The following GKAP1 variants were observed in gnomAD, a reference collection of about 807,000 sequenced individuals.
GKAP1 encodes G kinase anchoring protein 1.
In GKAP1, 31 loss-of-function variants were observed where a neutral mutation model predicts 56.7. That is an observed-to-expected ratio of 0.55 (90% CI 0.41 to 0.74). GKAP1 has a LOEUF of 0.74. GKAP1 is among the 30% of genes least tolerant of loss of function. The probability of loss-of-function intolerance (pLI) is 0.00; values close to 1 mark genes in which losing one functional copy is unlikely to be tolerated. For synonymous variants in GKAP1, 151 were observed against 138.6 expected, an observed-to-expected ratio of 1.09 and a Z score of -0.63; for missense variants, 364 against 402.3, an observed-to-expected ratio of 0.90 and a Z score of 0.82.
chr9:83,771,884 T>A (rs1558922), intron 7 of GKAP1, among the ~76,000 whole-genome samples: 81,855 of 151,854 alleles, frequency 0.54, 22,957 homozygotes, highest in Admixed American at 0.69. Flanking sequence ...ATAATTATAA[T>A]TCTAGCCAAT....
At chr9:83,809,341 G>T (rs1279319531) in intron 2 of GKAP1, among the ~76,000 whole-genome samples, 2 of 152,220 alleles carry the variant, frequency 1.3e-5, no homozygotes, top group Non-Finnish European at 2.9e-5. Flanking sequence ...GTCACTTCCA[G>T]ATACAAGAAA....
intron 8 of GKAP1, among the ~76,000 whole-genome samples, chr9:83,759,195 C>G (rs752349649): frequency 3.9e-5 from 6 of 152,068 alleles, no homozygotes; most frequent in Non-Finnish European, 7.4e-5. Flanking sequence ...TCGTTCTTTT[C>G]CTTTGTTAAA....
chr9:83,783,201 A>G lies in GKAP1; in HGVS notation c.562+1514T>C, dbSNP rs531883992. On this transcript the variant is annotated intron_variant, in intron 6 of 12. Coordinates refer to ENST00000376371, the MANE Select transcript of GKAP1 (RefSeq NM_025211.4). ...ATTTATCCTCACAGAACAATGCCCAATGTACTAAGGCTGAATTCATATGAG... is the reference window on the plus strand; with the variant it reads ...ATTTATCCTCACAGAACAATGCCCAGTGTACTAAGGCTGAATTCATATGAG... 3.3e-5 allele frequency among the ~76,000 whole-genome samples: 5 copies of G among 152,328 alleles called. No individual in the cohort carries two copies. The South Asian group carries it at 1.0e-3, about 32-fold the overall frequency.
chr9:83,757,002 G>T (rs1393571394), intron 8 of GKAP1, among the ~76,000 whole-genome samples: 1 of 152,126 alleles, frequency 6.6e-6, no homozygotes, highest in Non-Finnish European at 1.5e-5. Flanking sequence ...AGGATGAAAA[G>T]ATGTACAAGA....
At chr9:83,779,968 T>C (rs370959173) in intron 7 of GKAP1, among the ~76,000 whole-genome samples, 1 of 151,982 alleles carries the variant, frequency 6.6e-6, no homozygotes, top group East Asian at 1.9e-4. Flanking sequence ...CATGAGTATA[T>C]CTAAAGAATC....
chr9:83,814,382 C>T (rs1461744545), intron 2 of GKAP1, among the ~76,000 whole-genome samples: 1 of 152,210 alleles, frequency 6.6e-6, no homozygotes, highest in Non-Finnish European at 1.5e-5. Context: ...CTGAAAACTT[C>T]CATTTATTCC....
rs1943949732 is a variant in GKAP1 at position 83,780,391 on chromosome 9, T to C, written c.576A>G (p.Lys192=). Residue 192 remains lysine (K), a synonymous_variant, in exon 7 of 13, where the codon AAA becomes AAG. Transcript: ENST00000376371. Reference sequence around the variant, plus strand: ...CTACAATAAGACTTACCTCAGTCTTTTTACTAATGTGATCTGTAAATGAAA... The same window carrying C: ...CTACAATAAGACTTACCTCAGTCTTCTTACTAATGTGATCTGTAAATGAAA... ...KDFHSEDHIS[K]KTEELSSSQT... is the part of the protein sequence containing the mutation. The C allele has an allele frequency of 7.1e-7, 1 of 1,400,906 alleles. No individual in the cohort carries two copies. Among genetic ancestry groups the C allele is most frequent in the South Asian group, 1.4e-5 (1 of 74,046 alleles). 86.8% of individuals were successfully genotyped at this position (1,400,906 alleles called of 1,614,324 possible). A position where few individuals can be genotyped will look rare whatever the true frequency, so the allele number is the denominator to read the frequency against.
chr9:83,817,151 G>C (rs1411166206), intron 1 of GKAP1, 24 bp from the exon 2 acceptor site: 2 of 152,142 alleles, frequency 1.3e-5, no homozygotes, highest in African/African-American at 4.8e-5. Context: ...AACGAGTCAG[G>C]TCGTTGCTCC....
intron 10 of GKAP1, among the ~76,000 whole-genome samples, chr9:83,746,871 T>C (rs957125739): frequency 4.6e-5 from 7 of 152,202 alleles, no homozygotes; most frequent in African/African-American, 1.2e-4. Context: ...TGATCCACAA[T>C]TGATTGATCC....
At chr9:83,816,335 C>T (rs778816076) in intron 2 of GKAP1, among the ~76,000 whole-genome samples, 9 of 152,190 alleles carry the variant, frequency 5.9e-5, no homozygotes, top group Non-Finnish European at 8.8e-5. Flanking sequence ...ACTGAGATCC[C>T]TCTCCAATCT....
chr9:83,779,255 T>C (rs939374137), intron 7 of GKAP1, among the ~76,000 whole-genome samples: 32 of 151,826 alleles, frequency 2.1e-4, no homozygotes, highest in Admixed American at 4.6e-4. Flanking sequence ...TTTAAAAAAA[T>C]TGACCATCTG....
At chr9:83,773,227 C>T (rs535242901) in intron 7 of GKAP1, among the ~76,000 whole-genome samples, 65 of 152,246 alleles carry the variant, frequency 4.3e-4, no homozygotes, top group Non-Finnish European at 7.5e-4. Flanking sequence ...TGCTACAACA[C>T]GGATATACCT....
At chr9:83,759,607 G>T (rs1445728201) in intron 8 of GKAP1, among the ~76,000 whole-genome samples, 1 of 152,026 alleles carries the variant, frequency 6.6e-6, no homozygotes, top group Non-Finnish European at 1.5e-5. Context: ...ACTGAGTTTT[G>T]AACATTTTTT....
intron 3 of GKAP1, among the ~76,000 whole-genome samples, chr9:83,800,827 T>C (rs1944320592): frequency 6.6e-6 from 1 of 152,200 alleles, no homozygotes; most frequent in Admixed American, 6.5e-5. Flanking sequence ...AGTCCAGCTG[T>C]TTCTGTACCT....
At chr9:83,742,445 T>C (rs1014974817) in intron 11 of GKAP1, 85 bp downstream of exon 11, 30 of 809,860 alleles carry the variant, frequency 3.7e-5, no homozygotes, top group Non-Finnish European at 4.9e-5. Context: ...CTTACAGTGT[T>C]GATGAGCTGT....
chr9:83,767,518 TCA>T (rs775982444), intron 8 of GKAP1, among the ~76,000 whole-genome samples: 30 of 151,610 alleles, frequency 2.0e-4, no homozygotes, highest in Admixed American at 3.9e-4. Context: ...TCCACAACGC[TCA>T]GTTATTTTTG....
intron 7 of GKAP1, among the ~76,000 whole-genome samples, chr9:83,769,373 T>C (rs558033060): frequency 6.6e-6 from 1 of 152,272 alleles, no homozygotes; most frequent in Non-Finnish European, 1.5e-5. Context: ...CTGTACCCAT[T>C]AGCCGTCACT....
At chr9:83,803,197 A>G (rs1944360689) in intron 3 of GKAP1, among the ~76,000 whole-genome samples, 1 of 152,118 alleles carries the variant, frequency 6.6e-6, no homozygotes, top group South Asian at 2.1e-4. Context: ...GAGTTCAATT[A>G]AATAAAGTAT....
At chr9:83,743,943 A>G (rs931333684) in intron 10 of GKAP1, among the ~76,000 whole-genome samples, 1 of 152,224 alleles carries the variant, frequency 6.6e-6, no homozygotes, top group Admixed American at 6.5e-5. Context: ...AAAACAAACT[A>G]GGAGAGACTA....
Sources: allele counts gnomAD v4.1 joint callset (sites outside exome capture counted in the v4.1 genomes callset), GRCh38; gene constraint gnomAD v4.1.1; transcripts MANE v1.5; gene names NCBI Gene and HGNC (gene_info 2026-07-23, HGNC 2026-07-21).